Variants in ADD2 observed in about 807,000 individuals in gnomAD.
The protein encoded by ADD2 is beta-adducin.
ADD2 carries 23 observed loss-of-function variants against 83.0 expected under a neutral mutation model. The observed-to-expected ratio is 0.28, with a 90% CI of 0.20 to 0.39. ADD2 has a LOEUF of 0.39. ADD2 is among the 10% of genes least tolerant of loss of function. The pLI, the probability that ADD2 is intolerant of heterozygous loss-of-function variation, is 1.00. For synonymous variants in ADD2, 375 were observed against 375.4 expected (o/e 1.00, Z 0.01); for missense variants, 758 against 944.9 (o/e 0.80, Z 2.59).
intron 1 of ADD2, among the ~76,000 whole-genome samples, chr2:70,760,950 T>C (rs1324996935): frequency 1.3e-5 from 2 of 152,076 alleles, no homozygotes; most frequent in African/African-American, 4.8e-5. Context: ...AGTTTTTAGG[T>C]AAAAAGATTA....
chr2:70,657,739 T>G lies in ADD2; in HGVS notation c.*5686A>C, dbSNP rs1422562106. 2 of 152,262 alleles carry G rather than the reference T, an allele frequency of 1.3e-5. No individual in the cohort carries two copies. Among genetic ancestry groups the G allele is most frequent in the East Asian group, 3.9e-4 (2 of 5,194 alleles). The allele number at this position is 152,262 out of a possible 1,614,324, so 9.4% of individuals were successfully genotyped here. On this transcript the variant is annotated 3_prime_UTR_variant, in exon 16 of 16. Transcript: ENST00000264436. The stretch of plus-strand genomic sequence containing the variant: ...AGAAGAGTTTAGGGTCTTTCTACAG[T>G]TATTCTCCCACCACCCCCCAAACTC...
chr2:70,705,426 A>G (rs571096287), intron 3 of ADD2, among the ~76,000 whole-genome samples: 1 of 151,994 alleles, frequency 6.6e-6, no homozygotes, highest in African/African-American at 2.4e-5. Context: ...TCTCGAGCCC[A>G]TCCTGGCAAG....
Position 70,659,280 on chromosome 2 carries a change from G to A in ADD2, c.*4145C>T, listed in dbSNP as rs1014203810. The stretch of plus-strand genomic sequence containing the variant: ...AAATTATTTTTAGACTTTCAGAGGC[G>A]AATCATGCTGTTGGGCAAATGGTTC... On this transcript the variant is annotated 3_prime_UTR_variant, in exon 16 of 16. Transcript: ENST00000264436. The A allele has an allele frequency of 6.6e-6, 1 of 151,888 alleles. No homozygotes were observed. The highest frequency in any genetic ancestry group is 2.1e-4 in the South Asian group (1 of 4,812). The allele number at this position is 151,888 out of a possible 1,614,324, so 9.4% of individuals were successfully genotyped here.
At chr2:70,679,119 T>A (rs1411399144) in intron 10 of ADD2, among the ~76,000 whole-genome samples, 158 bp from the exon 11 acceptor site, 1 of 152,234 alleles carries the variant, frequency 6.6e-6, no homozygotes, top group East Asian at 1.9e-4. Context: ...TTCTGGTATA[T>A]TTCAGAACTG....
intron 15 of ADD2, among the ~76,000 whole-genome samples, chr2:70,666,306 C>A (rs926113223): frequency 6.6e-6 from 1 of 152,212 alleles, no homozygotes; most frequent in Non-Finnish European, 1.5e-5. Context: ...CCAATATCAT[C>A]ACCTAATCTT....
rs1671916552 is a variant in ADD2, at chr2:70,706,549, C to T, written c.-34-107G>A. 5.7e-6 allele frequency: 6 copies of T among 1,055,462 alleles called. No homozygotes were observed. Among genetic ancestry groups the T allele is most frequent in the Non-Finnish European group, 8.0e-6 (6 of 752,226 alleles). 65.4% of individuals were successfully genotyped at this position (1,055,462 alleles called of 1,614,324 possible). On this transcript the variant is annotated intron_variant, in intron 2 of 15. Coordinates refer to ENST00000264436, the MANE Select transcript of ADD2 (RefSeq NM_001617.4). The surrounding 1 kb of genome is among the most constrained non-coding windows in gnomAD (Gnocchi z 5.0). Reference sequence around the variant, plus strand: ...CAGTTGGATTCTCAGTGGGGTACGGCTGTTCCTAGGATGGTAGAGGCAGAG... The same window carrying T: ...CAGTTGGATTCTCAGTGGGGTACGGTTGTTCCTAGGATGGTAGAGGCAGAG...
At chr2:70,754,873 T>C (rs1377116736) in intron 1 of ADD2, among the ~76,000 whole-genome samples, 1 of 152,188 alleles carries the variant, frequency 6.6e-6, no homozygotes, top group Non-Finnish European at 1.5e-5. Context: ...ACATCTCTGA[T>C]ACCTGCTAAT....
Position 70,713,119 on chromosome 2 carries a change from C to A in ADD2, c.-88G>T. The A allele has an allele frequency of 1.0e-6, 1 of 985,492 alleles. No individual in the cohort carries two copies. The highest frequency in any genetic ancestry group is 1.2e-6 in the Non-Finnish European group (1 of 830,062). 61.0% of individuals were successfully genotyped at this position (985,492 alleles called of 1,614,324 possible). On this transcript the variant is annotated 5_prime_UTR_variant, in exon 2 of 16. Coordinates refer to ENST00000264436, the MANE Select transcript of ADD2 (RefSeq NM_001617.4). ...CTCCTTCTGTTCACTGCTCAGTCTG[C>A]ACCCCCTAGCTCCACTCTCAAGGGT...
At chr2:70,728,398 G>C (rs1454549008) in intron 1 of ADD2, among the ~76,000 whole-genome samples, 3 of 152,210 alleles carry the variant, frequency 2.0e-5, no homozygotes, top group African/African-American at 7.2e-5. Flanking sequence ...GCGGGGGTCA[G>C]TCTGCACCTC....
chr2:70,679,539 A>T (rs782051966), intron 10 of ADD2, among the ~76,000 whole-genome samples: 3 of 152,202 alleles, frequency 2.0e-5, no homozygotes, highest in Non-Finnish European at 2.9e-5. Flanking sequence ...TCAAAGCTGG[A>T]GCTGACTGCT....
intron 4 of ADD2, 58 bp downstream of exon 4, chr2:70,704,263 T>TGGGGCCCCCCCCCCCCCCCCCCC: frequency 2.2e-6 from 2 of 913,232 alleles, no homozygotes; most frequent in East Asian, 2.9e-5. Context: ...CTCCCTCTCT[T>TGGGGCCCCCCCCCCCCCCCCCCC]CCCCACCCCA....
chr2:70,661,744 A>AT lies in ADD2; in HGVS notation c.*1680dup, dbSNP rs1675543419. On this transcript the variant is annotated 3_prime_UTR_variant, in exon 16 of 16. Coordinates refer to ENST00000264436, the MANE Select transcript of ADD2 (RefSeq NM_001617.4). ...TTGCTTCACGTGCTAACATTATGCA[A>AT]TGGAGAACAGTCATAGAGACAAATC... 2 of 152,346 alleles carry AT rather than the reference A, an allele frequency of 1.3e-5. No homozygotes were observed. Among genetic ancestry groups the AT allele is most frequent in the East Asian group, 3.9e-4 (2 of 5,184 alleles). 9.4% of individuals were successfully genotyped at this position (152,346 alleles called of 1,614,324 possible).
At chr2:70,759,676 A>T (rs1553384518) in intron 1 of ADD2, among the ~76,000 whole-genome samples, 1 of 152,086 alleles carries the variant, frequency 6.6e-6, no homozygotes, top group African/African-American at 2.4e-5. Flanking sequence ...ATCTCTGCAC[A>T]CGCCAGCTCC....
intron 1 of ADD2, among the ~76,000 whole-genome samples, chr2:70,753,077 G>T (rs1345606856): frequency 2.0e-5 from 3 of 152,182 alleles, no homozygotes. Context: ...GCAGGGCAAA[G>T]CTCTCTCACA....
At chr2:70,756,169 C>G (rs189641767) in intron 1 of ADD2, among the ~76,000 whole-genome samples, 5 of 152,102 alleles carry the variant, frequency 3.3e-5, no homozygotes, top group Admixed American at 1.3e-4. Flanking sequence ...CTGCCTACCC[C>G]CTTTCCTCCC....
intron 1 of ADD2, among the ~76,000 whole-genome samples, chr2:70,720,457 A>T (rs78693971): frequency 0.091 from 13,893 of 152,104 alleles, 662 homozygotes; most frequent in East Asian, 0.12. Flanking sequence ...AAAATAGGAG[A>T]GATGTTGTTC....
chr2:70,755,822 A>G (rs993649211), intron 1 of ADD2, among the ~76,000 whole-genome samples: 7 of 152,100 alleles, frequency 4.6e-5, no homozygotes, highest in Admixed American at 1.3e-4. Context: ...GCACTTTGGG[A>G]GGCCGAGGTG....
rs1016030289 is a variant in ADD2, at chr2:70,672,979, G to C, written c.1769C>G (p.Pro590Arg). The change falls in exon 15 of 16, where the codon CCT becomes CGT. Residue 590 changes from proline to arginine, a missense_variant. Transcript: ENST00000264436. ...AGGTGCAGACTTTGCAGGTGAGCCAGGCTCTTCTGGGGCAGTTTCTTTCTC... is the reference window on the plus strand; with the variant it reads ...AGGTGCAGACTTTGCAGGTGAGCCACGCTCTTCTGGGGCAGTTTCTTTCTC... ...DGEKETAPEE[P>R]GSPAKSAPAS... 6.2e-7 allele frequency: 1 copy of C among 1,613,772 alleles called. No homozygotes were observed.
At chr2:70,686,020 T>G (rs888493733) in intron 9 of ADD2, among the ~76,000 whole-genome samples, 6 of 152,232 alleles carry the variant, frequency 3.9e-5, no homozygotes, top group Non-Finnish European at 8.8e-5. Context: ...AGCCTTGAAC[T>G]ACTAACATGA....
Sources: gnomAD v4.1 joint callset for allele counts (sites outside exome capture counted in the v4.1 genomes callset) on GRCh38, gnomAD v4.1.1 for gene constraint, Gnocchi (gnomAD v3.1) non-coding constraint, MANE v1.5 for transcripts, NCBI Gene and HGNC (gene_info 2026-07-23, HGNC 2026-07-21) for gene names.